Variants in TEX36 observed in about 807,000 individuals in gnomAD.
TEX36 encodes testis expressed 36, also known as testis-expressed protein 36.
Under a neutral mutation model 13.6 loss-of-function variants are expected in TEX36, and 12 were observed. The observed-to-expected ratio is 0.88, with a 90% confidence interval of 0.56 to 1.43. The LOEUF is 1.43. Ranked by LOEUF, TEX36 falls within the 40% of genes most tolerant of loss-of-function variation. The pLI is 0.00. For missense variants in TEX36, 224 were observed against 228.3 expected (o/e 0.98, Z 0.12); for synonymous variants, 93 against 83.0 (o/e 1.12, Z -0.65).
chr10:125,648,557 C>T (rs1846806869), intron 3 of TEX36, among the ~76,000 whole-genome samples: 2 of 152,162 alleles, frequency 1.3e-5, no homozygotes, highest in Non-Finnish European at 2.9e-5. Context: ...GGGGAGAAAC[C>T]AGAGCAGAAA....
intron 3 of TEX36, among the ~76,000 whole-genome samples, chr10:125,583,795 A>G (rs997468062): frequency 1.3e-5 from 2 of 152,230 alleles, no homozygotes; most frequent in Non-Finnish European, 2.9e-5. Context: ...CATAGCCTGG[A>G]AGAAACTAAA....
chr10:125,621,903 C>T (rs1298527705), intron 3 of TEX36, among the ~76,000 whole-genome samples: 1 of 152,194 alleles, frequency 6.6e-6, no homozygotes, highest in Non-Finnish European at 1.5e-5. Context: ...ACTCCCTCCA[C>T]CTGCTTCGTT....
intron 2 of TEX36, 48 bp downstream of exon 2, chr10:125,661,798 T>A: frequency 6.5e-7 from 1 of 1,547,670 alleles, no homozygotes; most frequent in South Asian, 1.2e-5. Context: ...CGCTGCCCCC[T>A]GGGAGGTCCA....
At chr10:125,647,686 C>T (rs1172337137) in intron 3 of TEX36, among the ~76,000 whole-genome samples, 1 of 150,776 alleles carries the variant, frequency 6.6e-6, no homozygotes, top group East Asian at 1.9e-4. Flanking sequence ...GTGGGTGCAG[C>T]CCACAGAGCA....
intron 3 of TEX36, among the ~76,000 whole-genome samples, chr10:125,643,274 G>A (rs563802226): frequency 3.9e-5 from 6 of 152,254 alleles, no homozygotes; most frequent in South Asian, 2.1e-4. Context: ...CCTCTCACCC[G>A]CCCTCATGCA....
chr10:125,618,564 C>G (rs1370741568), downstream of TEX36, among the ~76,000 whole-genome samples: 4 of 152,044 alleles, frequency 2.6e-5, no homozygotes, highest in Non-Finnish European at 5.9e-5. Context: ...TGTCAGTCTG[C>G]CCCTGCTGGG....
intron 3 of TEX36, among the ~76,000 whole-genome samples, chr10:125,601,122 C>T (rs536742111): frequency 6.6e-6 from 1 of 152,184 alleles, no homozygotes; most frequent in South Asian, 2.1e-4. Flanking sequence ...TCTAAGCATA[C>T]TTTATCTATA....
intron 3 of TEX36, among the ~76,000 whole-genome samples, chr10:125,649,242 G>A (rs750254736): frequency 2.6e-5 from 4 of 152,158 alleles, no homozygotes; most frequent in Non-Finnish European, 4.4e-5. Context: ...AAAATGTTAA[G>A]GGCAGCCAGA....
In TEX36 at chr10:125,675,414, G is replaced by A. The variant is rs149174202; in HGVS notation, c.51+7525C>T. Reference sequence around the variant, plus strand: ...GTCGTCTTAGGCAGCAGGCACCCACGGTGATGATGGCCACCCCTCCCCCCA... The same window carrying A: ...GTCGTCTTAGGCAGCAGGCACCCACAGTGATGATGGCCACCCCTCCCCCCA... On this transcript the variant is annotated intron_variant, in intron 1 of 3. Coordinates refer to ENST00000368821, the MANE Select transcript of TEX36 (RefSeq NM_001128202.3). 1.1e-4 allele frequency among the ~76,000 whole-genome samples: 17 copies of A among 152,182 alleles called. No individual in the cohort carries two copies. In the East Asian group the frequency reaches 1.5e-3, roughly 14 times the overall value.
intron 3 of TEX36, among the ~76,000 whole-genome samples, chr10:125,631,213 A>T (rs1159937987): frequency 6.6e-6 from 1 of 152,262 alleles, no homozygotes; most frequent in Non-Finnish European, 1.5e-5. Flanking sequence ...GCATTTGATC[A>T]GAACATTGAC....
In TEX36 at chr10:125,666,940, T is replaced by G. The variant is rs1589783893; in HGVS notation, c.52-4963A>C. On this transcript the variant is annotated intron_variant, in intron 1 of 3. Coordinates refer to ENST00000368821, the MANE Select transcript of TEX36 (RefSeq NM_001128202.3). ...GCAGCCCCAGTCTCACTGCTTGGGG[T>G]GTACTTTCCTTGACAGGCCAGGCTG... 8.8e-6 allele frequency: 6 copies of G among 678,590 alleles called. No individual in the cohort carries two copies. The South Asian group carries it at 1.1e-4, about 12-fold the overall frequency. 42.0% of individuals were successfully genotyped at this position (678,590 alleles called of 1,614,324 possible). A position where few individuals can be genotyped will look rare whatever the true frequency, so the allele number is the denominator to read the frequency against.
Position 125,602,715 on chromosome 10 carries a change from G to A in TEX36, c.265-25841C>T, listed in dbSNP as rs60879526. Among the ~76,000 whole-genome samples the A allele has an allele frequency of 8.5e-3, 1,293 of 152,298 alleles. 16 individuals are homozygous for A. The highest frequency in any genetic ancestry group is 0.029 in the African/African-American group (1,217 of 41,550). ...TGAAGTGGAGAAAGCAAAGGTGAAG[G>A]TACAGAATAAGTCTAGACACATTTC... On this transcript the variant is annotated intron_variant, in intron 3 of 3. Coordinates refer to the TEX36 transcript ENST00000532135.
chr10:125,669,049 T>C (rs1847174019), intron 1 of TEX36, among the ~76,000 whole-genome samples: 1 of 151,862 alleles, frequency 6.6e-6, no homozygotes, highest in African/African-American at 2.4e-5. Flanking sequence ...TCCCAACACT[T>C]TGGGAGGCTG....
chr10:125,609,624 A>T (rs1341590679), intron 3 of TEX36, among the ~76,000 whole-genome samples: 1 of 152,110 alleles, frequency 6.6e-6, no homozygotes, highest in East Asian at 1.9e-4. Flanking sequence ...ACAGCCAGGA[A>T]CCCTGTGAGC....
chr10:125,598,366 G>T (rs1388654835), intron 3 of TEX36, among the ~76,000 whole-genome samples: 2 of 152,134 alleles, frequency 1.3e-5, no homozygotes, highest in Non-Finnish European at 2.9e-5. Flanking sequence ...GGCGGTGATG[G>T]TAACCCTGTC....
chr10:125,619,003 G>A (rs1335386486), downstream of TEX36, among the ~76,000 whole-genome samples: 1 of 149,150 alleles, frequency 6.7e-6, no homozygotes, highest in Non-Finnish European at 1.5e-5. Context: ...GGTGTCGGGT[G>A]CCTGTAGTCT....
At chr10:125,631,560 G>C (rs911154970) in intron 3 of TEX36, among the ~76,000 whole-genome samples, 6 of 152,184 alleles carry the variant, frequency 3.9e-5, no homozygotes, top group Admixed American at 6.5e-5. Context: ...GGGTTTGGAG[G>C]GATTTAATAA....
exon 4 of TEX36, chr10:125,576,804 G>A: frequency 6.5e-7 from 1 of 1,535,940 alleles, no homozygotes; most frequent in Non-Finnish European, 8.7e-7. Context: ...AATGGACTGG[G>A]TCCTCACCGG....
intron 3 of TEX36, among the ~76,000 whole-genome samples, chr10:125,631,400 C>T (rs778012426): frequency 3.3e-5 from 5 of 152,192 alleles, no homozygotes; most frequent in Non-Finnish European, 7.3e-5. Flanking sequence ...GGGTGGGCCT[C>T]GGCTGTATGA....
Sources: gnomAD v4.1 joint callset for allele counts (sites outside exome capture counted in the v4.1 genomes callset) on GRCh38, gnomAD v4.1.1 for gene constraint, MANE v1.5 for transcripts, NCBI Gene and HGNC (gene_info 2026-07-23, HGNC 2026-07-21) for gene names.